The following SMARCA5 variants were observed in gnomAD, a reference collection of about 807,000 sequenced individuals.
SMARCA5 encodes the protein SNF2 related chromatin remodeling ATPase 5.
A neutral mutation model predicts 140.4 loss-of-function variants in SMARCA5; 18 were observed. The observed-to-expected ratio is 0.13, with a 90% CI of 0.09 to 0.19. The LOEUF (loss-of-function observed/expected upper bound fraction) is 0.19. Among genes scored for constraint, SMARCA5 ranks in the 10% least tolerant of loss-of-function variants. SMARCA5 has a pLI of 1.00. For synonymous variants in SMARCA5, 449 were observed against 419.6 expected (o/e 1.07, Z -0.86); for missense variants, 606 against 1,276.8 (o/e 0.47, Z 8.01).
chr4:143,526,179 ATATG>A (rs1737068755), intron 5 of SMARCA5, 98 bp from the exon 6 acceptor site: 1 of 938,084 alleles, frequency 1.1e-6, no homozygotes, highest in Non-Finnish European at 1.7e-6. Context: ...ACTGTTATAA[ATATG>A]TAGCATTTCT....
intron 13 of SMARCA5, among the ~76,000 whole-genome samples, chr4:143,539,555 A>G (rs1737386970): frequency 9.2e-6 from 1 of 108,532 alleles, no homozygotes; most frequent in African/African-American, 3.6e-5. Context: ...TTTTTTTTTG[A>G]GATGGAGTTT....
intron 1 of SMARCA5, chr4:143,514,371 G>A: frequency 2.4e-6 from 1 of 418,996 alleles, no homozygotes; most frequent in Non-Finnish European, 4.2e-6. Flanking sequence ...TCAGTGAACA[G>A]ATGTTCTTGG....
chr4:143,530,879 A>G (rs764457153), intron 9 of SMARCA5, among the ~76,000 whole-genome samples: 10 of 152,198 alleles, frequency 6.6e-5, no homozygotes, highest in Non-Finnish European at 1.3e-4. Flanking sequence ...CAGTGGCATG[A>G]TCTTGGCTCA....
chr4:143,549,259 G>T (rs192288487), intron 22 of SMARCA5, among the ~76,000 whole-genome samples: 1 of 151,840 alleles, frequency 6.6e-6, no homozygotes, highest in African/African-American at 2.4e-5. Flanking sequence ...AGTCTTGTGT[G>T]GTGTATTCTA....
chr4:143,546,879 A>G lies in SMARCA5; in HGVS notation c.2624A>G (p.Lys875Arg). The change falls in exon 20 of 24, where the codon AAA becomes AGA. Residue 875 changes from lysine to arginine, a missense_variant. Lys to Arg is a conservative substitution (Grantham distance 26, BLOSUM62 2). Transcript: ENST00000283131. ...AATATAGCAAGAGAAGTAGAAGGCA[A>G]AACTCCAGAAGAAGTCATTGAATAT... ...IENIAREVEGKTPEEVIEYSA... is the reference protein window; with the variant it reads ...IENIAREVEGRTPEEVIEYSA... 1.2e-6 allele frequency: 2 copies of G among 1,613,034 alleles called. No homozygotes were observed. Among genetic ancestry groups the G allele is most frequent in the Non-Finnish European group, 1.7e-6 (2 of 1,179,278 alleles).
At chr4:143,528,154 G>C (rs932091094) in intron 7 of SMARCA5, 131 bp downstream of exon 7, 1 of 639,136 alleles carries the variant, frequency 1.6e-6, no homozygotes, top group Non-Finnish European at 2.5e-6. Flanking sequence ...AGGTATGCAT[G>C]TGCCATGGTG....
At chr4:143,536,386 A>G (rs1737305629) in intron 10 of SMARCA5, 66 bp from the exon 11 acceptor site, 7 of 1,049,640 alleles carry the variant, frequency 6.7e-6, no homozygotes, top group Non-Finnish European at 1.0e-5. Flanking sequence ...GGGATTAAGT[A>G]TGTAAAGTGG....
chr4:143,526,076 G>A (rs1027549101), intron 5 of SMARCA5, among the ~76,000 whole-genome samples: 25 of 152,096 alleles, frequency 1.6e-4, no homozygotes, highest in African/African-American at 5.3e-4. Context: ...GGCCTTATGC[G>A]GGTGATAATA....
intron 3 of SMARCA5, 90 bp downstream of exon 3, chr4:143,521,685 A>T: frequency 8.6e-7 from 1 of 1,160,260 alleles, no homozygotes; most frequent in Non-Finnish European, 1.2e-6. Flanking sequence ...AAATAACTTA[A>T]AATTATTTTA....
intron 10 of SMARCA5, among the ~76,000 whole-genome samples, chr4:143,535,782 C>T (rs1266308988): frequency 1.3e-5 from 2 of 152,152 alleles, no homozygotes; most frequent in Non-Finnish European, 2.9e-5. Flanking sequence ...GGATCCAAGG[C>T]TCTAAAACTT....
intron 3 of SMARCA5, among the ~76,000 whole-genome samples, chr4:143,522,043 G>A (rs1376930953): frequency 3.3e-5 from 5 of 152,084 alleles, no homozygotes; most frequent in African/African-American, 1.2e-4. Flanking sequence ...CAGAGGTTAA[G>A]TGGCTTGTTT....
chr4:143,545,886 A>G (rs1427960674), intron 18 of SMARCA5, 39 bp from the exon 19 acceptor site: 2 of 1,579,470 alleles, frequency 1.3e-6, no homozygotes, highest in South Asian at 1.2e-5. Flanking sequence ...ATGCTCTTTA[A>G]AATTTACTGA....
At chr4:143,546,088 TGTAAA>T in intron 19 of SMARCA5, 41 bp downstream of exon 19, 1 of 1,486,152 alleles carries the variant, frequency 6.7e-7, no homozygotes, top group Non-Finnish European at 9.1e-7. Context: ...AACAGTTTGT[TGTAAA>T]GGACTGTGTT....
At chr4:143,542,141 G>A (rs1310199326) in intron 14 of SMARCA5, among the ~76,000 whole-genome samples, 1 of 152,124 alleles carries the variant, frequency 6.6e-6, no homozygotes, top group Non-Finnish European at 1.5e-5. Context: ...TTACAGGTAT[G>A]AGCCACCACG....
intron 22 of SMARCA5, 106 bp from the exon 23 acceptor site, chr4:143,549,891 A>C: frequency 1.7e-6 from 1 of 588,050 alleles, no homozygotes; most frequent in South Asian, 1.8e-5. Flanking sequence ...TCAGGGGTGT[A>C]TTAGTGGTTT....
At position 143,526,415 on chromosome 4, in the gene SMARCA5, A is replaced by G. The variant is rs1737072303; in HGVS notation, c.756A>G (p.Val252=). The G allele has an allele frequency of 5.0e-6, 8 of 1,613,078 alleles. No individual in the cohort carries two copies. The highest frequency in any genetic ancestry group is 1.6e-4 in the Middle Eastern group (1 of 6,082). Residue 252 remains valine, a synonymous_variant, in exon 6 of 24, where the codon GTA becomes GTG. Transcript: ENST00000283131. ...GGATGAGTGAATTCAAGAGATGGGT[A>G]CCAACACTTAGATCTGTTTGTTTGA... ...HNWMSEFKRW[V]PTLRSVCLIG... is the part of the protein sequence containing the mutation.
chr4:143,525,664 T>C (rs1009815320), intron 5 of SMARCA5, 113 bp downstream of exon 5: 2 of 692,672 alleles, frequency 2.9e-6, no homozygotes, highest in Non-Finnish European at 5.1e-6. Flanking sequence ...TCTCAGAAAC[T>C]AGTATAAGCA....
chr4:143,516,629 A>G (rs1384769578), intron 1 of SMARCA5, among the ~76,000 whole-genome samples: 2 of 152,182 alleles, frequency 1.3e-5, no homozygotes, highest in South Asian at 4.1e-4. Flanking sequence ...CCAGTACCGT[A>G]CCAGATCTCC....
Position 143,524,384 on chromosome 4 carries a change from C to G in SMARCA5, c.437C>G (p.Thr146Arg). 3 of 1,611,350 alleles carry G rather than the reference C, an allele frequency of 1.9e-6. No homozygotes were observed. The highest frequency in any genetic ancestry group is 2.5e-6 in the Non-Finnish European group (3 of 1,178,614). The change falls in exon 4 of 24, where the codon ACA (threonine) becomes AGA (arginine). Residue 146 changes from threonine (T) to arginine (R), a missense_variant. By Grantham distance (71) the Thr-to-Arg change is moderately conservative. Around this residue, in one of 10 missense-constraint regions of SMARCA5, gnomAD observed 110 missense variants for 287.7 expected, o/e 0.38. Coordinates refer to ENST00000283131, the MANE Select transcript of SMARCA5 (RefSeq NM_003601.4). Reference protein sequence around the residue: ...LSVGDYRHRRTEQEEDEELLT... With the variant: ...LSVGDYRHRRREQEEDEELLT... The stretch of plus-strand genomic sequence containing the variant: ...CTTAACAGTTACCGACACCGTAGAA[C>G]AGAGCAAGAGGAGGATGAAGAGCTA...
Sources: allele counts gnomAD v4.1 joint callset (sites outside exome capture counted in the v4.1 genomes callset), GRCh38; gene constraint gnomAD v4.1.1; regional missense constraint gnomAD v4.1.1; transcripts MANE v1.5; gene names NCBI Gene and HGNC (gene_info 2026-07-23, HGNC 2026-07-21).